SPOP: variants seen among roughly 807,000 people sequenced by gnomAD.
SPOP encodes speckle-type POZ protein.
A neutral mutation model predicts 45.6 loss-of-function variants in SPOP; 11 were observed. The observed-to-expected ratio is 0.24, with a 90% CI of 0.15 to 0.40. The LOEUF is 0.40. Ranked by LOEUF, SPOP falls within the 10% of genes least tolerant of loss-of-function variation. SPOP has a pLI of 1.00. For synonymous variants in SPOP, 166 were observed against 166.3 expected, an observed-to-expected ratio of 1.00 and a Z score of 0.01; for missense variants, 152 against 465.6, an observed-to-expected ratio of 0.33 and a Z score of 6.20.
In SPOP at chr17:49,675,407, A is replaced by C. The variant is rs73335212; in HGVS notation, c.-67+2526T>G. ...TGTGTAAAACAAACAAAAACAAAAA[A>C]TGTGAAGAATATATAGGTGTATATG... On this transcript the variant is annotated intron_variant, in intron 1 of 9. Transcript: ENST00000504102. Among the ~76,000 whole-genome samples the C allele has an allele frequency of 8.8e-3, 1,348 of 152,364 alleles. 20 individuals are homozygous for C. Among genetic ancestry groups the C allele is most frequent in the African/African-American group, 0.031 (1,272 of 41,586 alleles).
intron 8 of SPOP, chr17:49,606,992 GGA>G (rs2071864647): frequency 2.7e-6 from 1 of 374,112 alleles, no homozygotes; most frequent in Admixed American, 4.3e-5. Flanking sequence ...GGAAAAAAGA[GGA>G]GAGGTAGAAG....
chr17:49,624,308 AACACACACAC>A (rs958798628), intron 1 of SPOP, among the ~76,000 whole-genome samples: 1 of 136,352 alleles, frequency 7.3e-6, no homozygotes, highest in Non-Finnish European at 1.6e-5. Context: ...CCTACGCGGG[AACACACACAC>A]ACGCGCGCGC....
chr17:49,600,803 A>C lies in SPOP; in HGVS notation c.981-281T>G. Reference sequence around the variant, plus strand: ...GCCCCCAACACTGCCTATGTTCCTTATATTCACCGGTGATGCTAGTCATAA... The same window carrying C: ...GCCCCCAACACTGCCTATGTTCCTTCTATTCACCGGTGATGCTAGTCATAA... On this transcript the variant is annotated intron_variant, in intron 9 of 9. Transcript: ENST00000504102. This position sits in a 1 kb window ranked among gnomAD's most constrained non-coding sequence, Gnocchi z 4.2. 1 of 363,222 alleles carries C rather than the reference A, an allele frequency of 2.8e-6. No homozygotes were observed. Among genetic ancestry groups the C allele is most frequent in the Non-Finnish European group, 5.2e-6 (1 of 193,416 alleles). The allele number at this position is 363,222 out of a possible 1,614,324, so 22.5% of individuals were successfully genotyped here.
intron 1 of SPOP, among the ~76,000 whole-genome samples, chr17:49,655,063 G>A (rs1319059456): frequency 6.6e-6 from 1 of 152,136 alleles, no homozygotes; most frequent in Non-Finnish European, 1.5e-5. Flanking sequence ...GTAACACTAG[G>A]AAGGAGATAC....
intron 1 of SPOP, among the ~76,000 whole-genome samples, chr17:49,641,225 T>C (rs1051609595): frequency 5.0e-5 from 6 of 120,884 alleles, no homozygotes; most frequent in African/African-American, 1.6e-4. Context: ...ATTGCATTAC[T>C]GCACTCCAGC....
chr17:49,619,571 C>T lies in SPOP; in HGVS notation c.201-186G>A, dbSNP rs7221354. On this transcript the variant is annotated intron_variant, in intron 3 of 9. Transcript: ENST00000504102. The surrounding 1 kb of genome is among the most constrained non-coding windows in gnomAD (Gnocchi z 4.9). Reference sequence around the variant, plus strand: ...TTTTTGAGACATGGTCTTACTCTATCGTCCAGGCTGGAGTGCAGTGGTATG... The same window carrying T: ...TTTTTGAGACATGGTCTTACTCTATTGTCCAGGCTGGAGTGCAGTGGTATG... 0.19 allele frequency among the ~76,000 whole-genome samples: 28,559 copies of T among 151,938 alleles called. 2,820 individuals are homozygous for T. Among genetic ancestry groups the T allele is most frequent in the East Asian group, 0.35 (1,795 of 5,158 alleles).
chr17:49,629,032 A>G (rs565730851), intron 1 of SPOP, among the ~76,000 whole-genome samples: 3 of 152,280 alleles, frequency 2.0e-5, no homozygotes, highest in Non-Finnish European at 4.4e-5. Context: ...TCATGAGGTC[A>G]GGAATTCAAG....
At chr17:49,601,692 A>G (rs2071742934) in intron 9 of SPOP, 173 bp downstream of exon 9, 9 of 744,830 alleles carry the variant, frequency 1.2e-5, no homozygotes, top group Middle Eastern at 3.8e-4. Context: ...AATAGGATTC[A>G]ACCCATGAAG....
At chr17:49,602,159 A>G (rs924873898) in intron 8 of SPOP, 152 bp from the exon 9 acceptor site, 6 of 818,118 alleles carry the variant, frequency 7.3e-6, no homozygotes, top group Non-Finnish European at 1.1e-5. Flanking sequence ...ATGATAAAAC[A>G]TAACCATTTC....
chr17:49,646,906 T>C (rs530392855), intron 1 of SPOP, among the ~76,000 whole-genome samples: 4 of 152,280 alleles, frequency 2.6e-5, no homozygotes, highest in South Asian at 4.1e-4. Context: ...TTATTCAACA[T>C]GTAGAAATGG....
intron 1 of SPOP, among the ~76,000 whole-genome samples, chr17:49,656,473 C>T (rs2072914796): frequency 6.6e-6 from 1 of 152,166 alleles, no homozygotes; most frequent in African/African-American, 2.4e-5. Flanking sequence ...AAAACCTCTC[C>T]ACTACACCAC....
chr17:49,600,542 A>G lies in SPOP; in HGVS notation c.981-20T>C. 1.2e-6 allele frequency: 2 copies of G among 1,613,902 alleles called. No homozygotes were observed. Among genetic ancestry groups the G allele is most frequent in the African/African-American group, 1.3e-5 (1 of 75,032 alleles). On this transcript the variant is annotated intron_variant, in intron 9 of 9. Transcript: ENST00000504102. The surrounding 1 kb of genome is among the most constrained non-coding windows in gnomAD (Gnocchi z 4.2). ...GCATGACTAGGAGAAATGTGGAGAA[A>G]TGGGTTACCAAAGGGAGTGAGCAAG...
At position 49,617,489 on chromosome 17, in the gene SPOP, C is replaced by T. The variant is rs573766613; in HGVS notation, c.480+1492G>A. On this transcript the variant is annotated intron_variant, in intron 5 of 9. Coordinates refer to ENST00000504102, the MANE Select transcript of SPOP (RefSeq NM_001007228.2). ...TATGTATTTATTATAGATGCTATCA[C>T]TCTAGTATTTCCTTCTTTTACTTGG... 2.6e-5 allele frequency among the ~76,000 whole-genome samples: 4 copies of T among 152,298 alleles called. No individual in the cohort carries two copies. In the South Asian group the frequency reaches 8.3e-4, roughly 32 times the overall value.
intron 1 of SPOP, among the ~76,000 whole-genome samples, chr17:49,624,331 G>GCGCACACACACACA (rs71352523): frequency 8.5e-4 from 127 of 149,300 alleles, no homozygotes; most frequent in African/African-American, 2.9e-3. Flanking sequence ...GCGCGCGCGC[G>GCGCACACACACACA]CACACACACA....
intron 1 of SPOP, among the ~76,000 whole-genome samples, chr17:49,638,621 G>C (rs1165958947): frequency 6.6e-6 from 1 of 151,936 alleles, no homozygotes; most frequent in African/African-American, 2.4e-5. Context: ...GAAAATGTAA[G>C]CACCAACTTT....
intron 1 of SPOP, among the ~76,000 whole-genome samples, chr17:49,645,407 C>A (rs1216262360): frequency 6.6e-6 from 1 of 151,898 alleles, no homozygotes; most frequent in South Asian, 2.1e-4. Context: ...TCAAGCAATT[C>A]TCCTGCCTCA....
intron 1 of SPOP, among the ~76,000 whole-genome samples, chr17:49,627,350 C>T (rs898903013): frequency 1.2e-4 from 18 of 152,186 alleles, no homozygotes; most frequent in South Asian, 2.1e-4. Flanking sequence ...TGATGGAAAA[C>T]ACATTCTTAA....
At chr17:49,612,185 A>G (rs948181106) in intron 5 of SPOP, among the ~76,000 whole-genome samples, 4 of 152,212 alleles carry the variant, frequency 2.6e-5, no homozygotes, top group African/African-American at 9.7e-5. Flanking sequence ...CACCTCGCCA[A>G]ATCTAATAAC....
intron 1 of SPOP, among the ~76,000 whole-genome samples, chr17:49,675,144 C>T (rs542740195): frequency 6.6e-6 from 1 of 152,288 alleles, no homozygotes; most frequent in East Asian, 1.9e-4. Flanking sequence ...AGCGCTTCCA[C>T]TAGGAATTTA....
Sources: gnomAD v4.1 joint callset for allele counts (sites outside exome capture counted in the v4.1 genomes callset) on GRCh38, gnomAD v4.1.1 for gene constraint, Gnocchi (gnomAD v3.1) non-coding constraint, MANE v1.5 for transcripts, NCBI Gene and HGNC (gene_info 2026-07-23, HGNC 2026-07-21) for gene names.